The following ITPRIP variants were observed in gnomAD, a reference collection of about 807,000 sequenced individuals.
ITPRIP encodes inositol 1,4,5-trisphosphate receptor-interacting protein.
Under a neutral mutation model 35.8 loss-of-function variants are expected in ITPRIP, and 32 were observed. The ratio of observed to expected loss-of-function variants is 0.89; its 90% CI spans 0.68 to 1.20. The LOEUF (loss-of-function observed/expected upper bound fraction) is 1.20. ITPRIP is among the 50% of genes most tolerant of loss of function. The probability of loss-of-function intolerance (pLI) is 0.00; values close to 1 mark genes in which losing one functional copy is unlikely to be tolerated. For missense variants in ITPRIP, 653 were observed against 735.6 expected, an observed-to-expected ratio of 0.89 and a Z score of 1.30; for synonymous variants, 358 against 324.0, an observed-to-expected ratio of 1.11 and a Z score of -1.13.
In ITPRIP at chr10:104,315,424, G is replaced by T. The variant is rs1310055841; in HGVS notation, c.628C>A (p.Leu210Ile). 6.3e-7 allele frequency: 1 copy of T among 1,595,900 alleles called. No individual in the cohort carries two copies. Among genetic ancestry groups the T allele is most frequent in the South Asian group, 1.1e-5 (1 of 89,138 alleles). ...TCGGGGGGTGTGAAGGGCACGAAAA[G>T]GTGGCACAGCAGTGGCCTGTCCACC... ...WQVDRPLLCH[L>I]FVPFTPPEPY... The change falls in exon 2 of 2, where the codon CTT becomes ATT. Residue 210 changes from leucine to isoleucine, a missense_variant. Coordinates refer to ENST00000337478, the MANE Select transcript of ITPRIP (RefSeq NM_001272013.2). This position sits in a 1 kb window ranked among gnomAD's most constrained non-coding sequence, Gnocchi z 5.7.
intron 1 of ITPRIP, among the ~76,000 whole-genome samples, chr10:104,318,287 G>A (rs1010038019): frequency 6.6e-6 from 1 of 152,178 alleles, no homozygotes; most frequent in African/African-American, 2.4e-5. Flanking sequence ...TGATTAACAT[G>A]GGTGAGAAAG....
At position 104,311,117 on chromosome 10, in the gene ITPRIP, T is replaced by C. The variant is rs1391324672; in HGVS notation, c.*3291A>G. The C allele has an allele frequency of 6.6e-6, 1 of 152,114 alleles. No individual in the cohort carries two copies. The highest frequency in any genetic ancestry group is 1.5e-5 in the Non-Finnish European group (1 of 68,062). 9.4% of individuals were successfully genotyped at this position (152,114 alleles called of 1,614,324 possible). ...TGCTTGTGGACTATTCATGACCTGC[T>C]TGGGAGAAGGGCTCACCATCTTATG... On this transcript the variant is annotated 3_prime_UTR_variant, in exon 2 of 2. Transcript: ENST00000337478.
At position 104,328,860 on chromosome 10, in the gene ITPRIP, C is replaced by G. The variant is rs901018536; in HGVS notation, c.-14+9386G>C. On this transcript the variant is annotated intron_variant, in intron 1 of 1. Coordinates refer to ENST00000337478, the MANE Select transcript of ITPRIP (RefSeq NM_001272013.2). This position sits in a 1 kb window ranked among gnomAD's most constrained non-coding sequence, Gnocchi z 4.1. Reference sequence around the variant, plus strand: ...CTCAGCCTCCCCACCCCACTGGTCTCTTACCCACGTCCTGGCTTCCTGAGA... The same window carrying G: ...CTCAGCCTCCCCACCCCACTGGTCTGTTACCCACGTCCTGGCTTCCTGAGA... 1 of 152,316 alleles carries G rather than the reference C, an allele frequency of 6.6e-6. No homozygotes were observed. Among genetic ancestry groups the G allele is most frequent in the Admixed American group, 6.5e-5 (1 of 15,274 alleles). 9.4% of individuals were successfully genotyped at this position (152,316 alleles called of 1,614,324 possible). A position where few individuals can be genotyped will look rare whatever the true frequency, so the allele number is the denominator to read the frequency against.
At chr10:104,322,746 G>A (rs2013886560) in intron 1 of ITPRIP, among the ~76,000 whole-genome samples, 1 of 152,232 alleles carries the variant, frequency 6.6e-6, no homozygotes, top group African/African-American at 2.4e-5. Context: ...GTCACGTTCA[G>A]AGCCAAAAGG....
chr10:104,310,830 T>C lies in ITPRIP; in HGVS notation c.*3578A>G, dbSNP rs1336574665. On this transcript the variant is annotated 3_prime_UTR_variant, in exon 2 of 2. Coordinates refer to ENST00000337478, the MANE Select transcript of ITPRIP (RefSeq NM_001272013.2). ...CTTCCCTAATCAGCCCAGGTACCAG[T>C]GGTTCTTGGACATCCAGAATCAGGT... The C allele has an allele frequency of 6.6e-6, 1 of 152,096 alleles. No homozygotes were observed. The highest frequency in any genetic ancestry group is 1.5e-5 in the Non-Finnish European group (1 of 68,016). 9.4% of individuals were successfully genotyped at this position (152,096 alleles called of 1,614,324 possible). A position where few individuals can be genotyped will look rare whatever the true frequency, so the allele number is the denominator to read the frequency against.
At position 104,315,658 on chromosome 10, in the gene ITPRIP, G is replaced by A. The variant is rs1423012541; in HGVS notation, c.394C>T (p.Gln132Ter). The A allele has an allele frequency of 6.2e-7, 1 of 1,612,200 alleles. No homozygotes were observed. Among genetic ancestry groups the A allele is most frequent in the African/African-American group, 1.3e-5 (1 of 74,928 alleles). ...GCCTTGTTGGGCAGGGTGAGGCCCT[G>A]CAAGGGGGCGCCCCCCAGCCCAGGC... ...ELPGLGGAPL[Q>*]GLTLPNKATL... The change falls in exon 2 of 2, where the codon CAG becomes TAG. Residue 132 changes from glutamine to a stop codon, truncating the protein, a stop_gained. Transcript: ENST00000337478. LOFTEE classifies it high-confidence loss of function. This position sits in a 1 kb window ranked among gnomAD's most constrained non-coding sequence, Gnocchi z 5.7.
intron 1 of ITPRIP, among the ~76,000 whole-genome samples, chr10:104,336,573 G>A (rs2014241366): frequency 6.6e-6 from 1 of 151,814 alleles, no homozygotes; most frequent in South Asian, 2.1e-4. Context: ...GGAGTGCAGT[G>A]GCACGATCCT....
At chr10:104,324,950 C>T (rs1225054297) in intron 1 of ITPRIP, among the ~76,000 whole-genome samples, 13 of 152,216 alleles carry the variant, frequency 8.5e-5, no homozygotes, top group Non-Finnish European at 1.5e-5. Flanking sequence ...GGTGCAGTGG[C>T]TCACACCTAT....
chr10:104,314,208 C>G lies in ITPRIP; in HGVS notation c.*200G>C. ...CCAAATAACAGCTTTACCAGCAGAT[C>G]CCAATGGTATGAAGCAAACCAGCTT... On this transcript the variant is annotated 3_prime_UTR_variant, in exon 2 of 2. Coordinates refer to ENST00000337478, the MANE Select transcript of ITPRIP (RefSeq NM_001272013.2). The G allele has an allele frequency of 2.2e-6, 3 of 1,390,846 alleles. No homozygotes were observed. The highest frequency in any genetic ancestry group is 2.8e-6 in the Non-Finnish European group (3 of 1,075,834). The allele number at this position is 1,390,846 out of a possible 1,614,324, so 86.2% of individuals were successfully genotyped here.
chr10:104,314,462 G>C lies in ITPRIP; in HGVS notation c.1590C>G (p.Leu530=). The change falls in exon 2 of 2, where the codon CTC becomes CTG. Residue 530 remains leucine, a synonymous_variant. Transcript: ENST00000337478. ...GGACATGTAGGGAATACTCGCTAATGAGCGCTGGGGCATTCTTGAGCATCT... is the reference window on the plus strand; with the variant it reads ...GGACATGTAGGGAATACTCGCTAATCAGCGCTGGGGCATTCTTGAGCATCT... ...FYEMLKNAPA[L]ISEYSLHVPS... 6.2e-7 allele frequency: 1 copy of C among 1,614,062 alleles called. No homozygotes were observed. Among genetic ancestry groups the C allele is most frequent in the Non-Finnish European group, 8.5e-7 (1 of 1,180,014 alleles).
At chr10:104,330,243 G>A (rs191139109) in intron 1 of ITPRIP, among the ~76,000 whole-genome samples, 21 of 152,340 alleles carry the variant, frequency 1.4e-4, no homozygotes, top group African/African-American at 5.1e-4. Context: ...CCCAGGAGCA[G>A]GAATTTGAAA....
rs1040847169 is a variant in ITPRIP, at chr10:104,334,892, G to A, written c.-14+3354C>T. The stretch of plus-strand genomic sequence containing the variant: ...GGAAGAGACGACATTCAGTCTGTGT[G>A]ATGTTTGCGAAGTCTCCTTGCAAAT... On this transcript the variant is annotated intron_variant, in intron 1 of 1. Transcript: ENST00000337478. Among the ~76,000 whole-genome samples, 3 of 152,370 alleles carry A rather than the reference G, an allele frequency of 2.0e-5. No homozygotes were observed. In the South Asian group the frequency reaches 6.2e-4, roughly 32 times the overall value.
chr10:104,319,806 A>G (rs2013798566), intron 1 of ITPRIP, among the ~76,000 whole-genome samples: 1 of 152,034 alleles, frequency 6.6e-6, no homozygotes, highest in Non-Finnish European at 1.5e-5. Context: ...GAGGATTCCA[A>G]AATAAACCTT....
rs754561081 is a variant in ITPRIP at position 104,315,665 on chromosome 10, G to C, written c.387C>G (p.Ala129=). 2.5e-5 allele frequency: 40 copies of C among 1,612,492 alleles called. No individual in the cohort carries two copies. Among genetic ancestry groups the C allele is most frequent in the Admixed American group, 5.0e-5 (3 of 59,986 alleles). ...EEDELPGLGG[A]PLQGLTLPNK... is the part of the protein sequence containing the mutation. ...TGGGCAGGGTGAGGCCCTGCAAGGGGGCGCCCCCCAGCCCAGGCAGCTCAT... is the reference window on the plus strand; with the variant it reads ...TGGGCAGGGTGAGGCCCTGCAAGGGCGCGCCCCCCAGCCCAGGCAGCTCAT... Residue 129 remains alanine, a synonymous_variant, in exon 2 of 2, where the codon GCC becomes GCG. Coordinates refer to ENST00000337478, the MANE Select transcript of ITPRIP (RefSeq NM_001272013.2). This position sits in a 1 kb window ranked among gnomAD's most constrained non-coding sequence, Gnocchi z 5.7.
At chr10:104,327,389 A>G (rs554286799) in intron 1 of ITPRIP, among the ~76,000 whole-genome samples, 74 of 152,252 alleles carry the variant, frequency 4.9e-4, no homozygotes, top group Non-Finnish European at 8.5e-4. Flanking sequence ...CCAGCCTCAG[A>G]GGACCTCTTG....
rs765081578 is a variant in ITPRIP at position 104,314,834 on chromosome 10, G to A, written c.1218C>T (p.Leu406=). 6.2e-7 allele frequency: 1 copy of A among 1,613,902 alleles called. No individual in the cohort carries two copies. Among genetic ancestry groups the A allele is most frequent in the East Asian group, 2.2e-5 (1 of 44,868 alleles). Residue 406 remains leucine (L), a synonymous_variant, in exon 2 of 2, where the codon CTC becomes CTT. Coordinates refer to ENST00000337478, the MANE Select transcript of ITPRIP (RefSeq NM_001272013.2). ...GGAAGGATGCTATCTGCAGGCAGCT[G>A]AGGTGGCAGGCGCCCTCGGGCAGTG... ...LKALPEGACH[L]SCLQIASFLL...
At chr10:104,319,192 C>T (rs1284662885) in intron 1 of ITPRIP, among the ~76,000 whole-genome samples, 5 of 152,204 alleles carry the variant, frequency 3.3e-5, no homozygotes, top group Middle Eastern at 3.2e-3. Context: ...CCACGCTTTC[C>T]CTGTGAGGAG....
rs1056688684 is a variant in ITPRIP at position 104,333,767 on chromosome 10, T to G, written c.-14+4479A>C. On this transcript the variant is annotated intron_variant, in intron 1 of 1. Transcript: ENST00000337478. The surrounding 1 kb of genome is among the most constrained non-coding windows in gnomAD (Gnocchi z 4.1). ...ACTGAGGATAGATGTCCTCCCCGTC[T>G]AGGACAGTCTAGGTCCCTACAGCCT... The G allele has an allele frequency of 3.3e-5, 5 of 152,302 alleles. No individual in the cohort carries two copies. Among genetic ancestry groups the G allele is most frequent in the Admixed American group, 2.0e-4 (3 of 15,284 alleles). 9.4% of individuals were successfully genotyped at this position (152,302 alleles called of 1,614,324 possible). A position where few individuals can be genotyped will look rare whatever the true frequency, so the allele number is the denominator to read the frequency against.
chr10:104,314,318 C>T lies in ITPRIP; in HGVS notation c.*90G>A. 1 of 1,521,340 alleles carries T rather than the reference C, an allele frequency of 6.6e-7. No homozygotes were observed. Among genetic ancestry groups the T allele is most frequent in the South Asian group, 1.3e-5 (1 of 75,282 alleles). 94.2% of individuals were successfully genotyped at this position (1,521,340 alleles called of 1,614,324 possible). ...GGCTCCCACGAAAGCCCGCCTTGTC[C>T]CCAGAACAGGGCTGGCAGATGCCAC... On this transcript the variant is annotated 3_prime_UTR_variant, in exon 2 of 2. Transcript: ENST00000337478.
Sources: gnomAD v4.1 joint callset for allele counts (sites outside exome capture counted in the v4.1 genomes callset) on GRCh38, gnomAD v4.1.1 for gene constraint, Gnocchi (gnomAD v3.1) non-coding constraint, MANE v1.5 for transcripts, NCBI Gene and HGNC (gene_info 2026-07-23, HGNC 2026-07-21) for gene names.